The following ITPRIP variants were observed in gnomAD, a reference collection of about 807,000 sequenced individuals.
ITPRIP encodes the protein inositol 1,4,5-trisphosphate receptor-interacting protein.
ITPRIP carries 32 observed loss-of-function variants against 35.8 expected under a neutral mutation model. The ratio of observed to expected loss-of-function variants is 0.89; its 90% CI spans 0.68 to 1.20. The LOEUF is 1.20. Ranked by LOEUF, ITPRIP falls within the 50% of genes most tolerant of loss-of-function variation. The probability of loss-of-function intolerance (pLI) is 0.00; values close to 1 mark genes in which losing one functional copy is unlikely to be tolerated. For missense variants in ITPRIP, 653 were observed against 735.6 expected, an observed-to-expected ratio of 0.89 and a Z score of 1.30; for synonymous variants, 358 against 324.0, an observed-to-expected ratio of 1.11 and a Z score of -1.13.
At chr10:104,324,224 G>T (rs2013929795) in intron 1 of ITPRIP, among the ~76,000 whole-genome samples, 1 of 152,224 alleles carries the variant, frequency 6.6e-6, no homozygotes, top group African/African-American at 2.4e-5. Flanking sequence ...CAGTGGGACA[G>T]GAGAAGGGCT....
Position 104,312,566 on chromosome 10 carries a change from A to C in ITPRIP, c.*1842T>G, listed in dbSNP as rs1379462099. On this transcript the variant is annotated 3_prime_UTR_variant, in exon 2 of 2. Transcript: ENST00000337478. ...GTTAGGGACACACTTGAGCTGGTTC[A>C]TTCCCTGGAGTGCCCCGCAACTGCG... The C allele has an allele frequency of 3.1e-6, 3 of 964,362 alleles. No individual in the cohort carries two copies. The highest frequency in any genetic ancestry group is 3.7e-6 in the Non-Finnish European group (3 of 810,670). The allele number at this position is 964,362 out of a possible 1,614,324, so 59.7% of individuals were successfully genotyped here. A position where few individuals can be genotyped will look rare whatever the true frequency, so the allele number is the denominator to read the frequency against.
chr10:104,335,828 C>G (rs999575113), intron 1 of ITPRIP, among the ~76,000 whole-genome samples: 4 of 152,164 alleles, frequency 2.6e-5, no homozygotes, highest in African/African-American at 9.7e-5. Flanking sequence ...CACTTAACAT[C>G]CCTGTGCCTC....
Position 104,313,063 on chromosome 10 carries a change from G to C in ITPRIP, c.*1345C>G. ...CTCTTTGGGTCTGGGTCATCTGTGT[G>C]GTCAGCAGTGCCCACACAGAAGGGG... is the stretch of plus-strand genomic sequence containing the variant. On this transcript the variant is annotated 3_prime_UTR_variant, in exon 2 of 2. Transcript: ENST00000337478. The C allele has an allele frequency of 1.0e-6, 1 of 985,432 alleles. No homozygotes were observed. The highest frequency in any genetic ancestry group is 1.2e-6 in the Non-Finnish European group (1 of 829,976). 61.0% of individuals were successfully genotyped at this position (985,432 alleles called of 1,614,324 possible).
At chr10:104,317,343 T>A (rs1589888421) in intron 1 of ITPRIP, among the ~76,000 whole-genome samples, 1 of 152,140 alleles carries the variant, frequency 6.6e-6, no homozygotes, top group Non-Finnish European at 1.5e-5. Context: ...ATCTTTGCAA[T>A]TCGAAGTATG....
rs2135212920 is a variant in ITPRIP at position 104,333,072 on chromosome 10, A to G, written c.-14+5174T>C. On this transcript the variant is annotated intron_variant, in intron 1 of 1. Transcript: ENST00000337478. The surrounding 1 kb of genome is among the most constrained non-coding windows in gnomAD (Gnocchi z 4.1). Reference sequence around the variant, plus strand: ...TTTTGTGGGGAGGCTGAAGAATGGAAAGTCACTTTTCTGATGGCCCCATCA... The same window carrying G: ...TTTTGTGGGGAGGCTGAAGAATGGAGAGTCACTTTTCTGATGGCCCCATCA... Among the ~76,000 whole-genome samples the G allele has an allele frequency of 6.6e-6, 1 of 152,304 alleles. No homozygotes were observed. Among genetic ancestry groups the G allele is most frequent in the Middle Eastern group, 3.4e-3 (1 of 294 alleles).
At chr10:104,325,195 G>C (rs1178158147) in intron 1 of ITPRIP, among the ~76,000 whole-genome samples, 1 of 152,176 alleles carries the variant, frequency 6.6e-6, no homozygotes, top group East Asian at 1.9e-4. Flanking sequence ...ACTCCAACTT[G>C]GGTGATACAG....
chr10:104,327,641 A>G (rs922507553), intron 1 of ITPRIP, among the ~76,000 whole-genome samples: 1 of 152,202 alleles, frequency 6.6e-6, no homozygotes, highest in African/African-American at 2.4e-5. Context: ...GGACATATGA[A>G]TTAGGCCCCA....
intron 1 of ITPRIP, among the ~76,000 whole-genome samples, chr10:104,321,788 G>A (rs2013854255): frequency 6.7e-6 from 1 of 150,016 alleles, no homozygotes; most frequent in African/African-American, 2.5e-5. Flanking sequence ...CAAAGTCCAA[G>A]AGGCTAAGTC....
intron 1 of ITPRIP, among the ~76,000 whole-genome samples, chr10:104,320,768 C>T (rs2013827310): frequency 6.6e-6 from 1 of 152,080 alleles, no homozygotes; most frequent in Non-Finnish European, 1.5e-5. Flanking sequence ...GAACTCCTGA[C>T]CTCAAGTGAT....
At chr10:104,322,631 C>T (rs1307407045) in intron 1 of ITPRIP, among the ~76,000 whole-genome samples, 1 of 152,188 alleles carries the variant, frequency 6.6e-6, no homozygotes, top group African/African-American at 2.4e-5. Context: ...TGCAGTGTCA[C>T]AGCAGCCCAC....
At chr10:104,321,632 C>T (rs1165677097) in intron 1 of ITPRIP, among the ~76,000 whole-genome samples, 1 of 152,170 alleles carries the variant, frequency 6.6e-6, no homozygotes, top group Non-Finnish European at 1.5e-5. Context: ...CATAGCTCTC[C>T]CATTTCTCGA....
At position 104,314,605 on chromosome 10, in the gene ITPRIP, T is replaced by C. The variant is rs763596925; in HGVS notation, c.1447A>G (p.Lys483Glu). ...GGGAGTCCCATGGCCTCAGGCACCT[T>C]GCGGTTGCCGATGAAGAAGTGGTGG... Reference protein sequence around the residue: ...KLHHFFIGNRKVPEAMGLPEA... With the variant: ...KLHHFFIGNREVPEAMGLPEA... The change falls in exon 2 of 2, where the codon AAG (lysine) becomes GAG (glutamate). Residue 483 changes from lysine (K) to glutamate (E), a missense_variant. Physicochemically the swap from Lys to Glu is moderately conservative, Grantham distance 56. Coordinates refer to ENST00000337478, the MANE Select transcript of ITPRIP (RefSeq NM_001272013.2). 1.2e-6 allele frequency: 2 copies of C among 1,614,160 alleles called. No homozygotes were observed.
rs1424320005 is a variant in ITPRIP at position 104,313,080 on chromosome 10, C to G, written c.*1328G>C. ...ATCTGTGTGGTCAGCAGTGCCCACA[C>G]AGAAGGGGTGGGTTCTGTGCAGTGA... On this transcript the variant is annotated 3_prime_UTR_variant, in exon 2 of 2. Transcript: ENST00000337478. 1.0e-6 allele frequency: 1 copy of G among 985,296 alleles called. No individual in the cohort carries two copies. Among genetic ancestry groups the G allele is most frequent in the African/African-American group, 1.7e-5 (1 of 57,214 alleles). The allele number at this position is 985,296 out of a possible 1,614,324, so 61.0% of individuals were successfully genotyped here.
chr10:104,335,896 G>T (rs890680089), intron 1 of ITPRIP, among the ~76,000 whole-genome samples: 5 of 151,512 alleles, frequency 3.3e-5, no homozygotes, highest in African/African-American at 1.2e-4. Flanking sequence ...CTACTGTGAG[G>T]ATTAAATGAG....
intron 1 of ITPRIP, among the ~76,000 whole-genome samples, chr10:104,324,842 A>C (rs1055840419): frequency 2.6e-5 from 4 of 152,180 alleles, no homozygotes; most frequent in African/African-American, 9.6e-5. Flanking sequence ...TTTTTTTCCC[A>C]AAGAAAAGCC....
chr10:104,320,733 T>C (rs2013826021), intron 1 of ITPRIP, among the ~76,000 whole-genome samples: 1 of 152,090 alleles, frequency 6.6e-6, no homozygotes, highest in African/African-American at 2.4e-5. Flanking sequence ...AGACAGGTTT[T>C]CACCATGTTG....
chr10:104,318,784 C>A (rs1335531660), intron 1 of ITPRIP, among the ~76,000 whole-genome samples: 1 of 152,208 alleles, frequency 6.6e-6, no homozygotes, highest in African/African-American at 2.4e-5. Flanking sequence ...TTCCCAGAAC[C>A]TCAGTTTCTT....
chr10:104,318,920 G>C (rs945743773), intron 1 of ITPRIP, among the ~76,000 whole-genome samples: 1 of 152,278 alleles, frequency 6.6e-6, no homozygotes, highest in African/African-American at 2.4e-5. Flanking sequence ...CGATGGGATG[G>C]AAATACGCAG....
chr10:104,327,223 C>A (rs764533960), intron 1 of ITPRIP, among the ~76,000 whole-genome samples: 10 of 152,112 alleles, frequency 6.6e-5, no homozygotes, highest in Non-Finnish European at 1.2e-4. Flanking sequence ...TGCTGGCCAG[C>A]GTAGGCCTTT....
Sources: gnomAD v4.1 joint callset for allele counts (sites outside exome capture counted in the v4.1 genomes callset) on GRCh38, gnomAD v4.1.1 for gene constraint, Gnocchi (gnomAD v3.1) non-coding constraint, MANE v1.5 for transcripts, NCBI Gene and HGNC (gene_info 2026-07-23, HGNC 2026-07-21) for gene names.